Variants in SNRPD1 observed in about 807,000 individuals in gnomAD.
SNRPD1 encodes the protein small nuclear ribonucleoprotein Sm D1.
SNRPD1 carries 1 observed loss-of-function variant against 14.4 expected under a neutral mutation model. The ratio of observed to expected loss-of-function variants is 0.07; its 90% CI spans 0.02 to 0.33. The LOEUF (loss-of-function observed/expected upper bound fraction) is 0.33, where lower values mean the gene tolerates loss of function less well. Among genes scored for constraint, SNRPD1 ranks in the 10% least tolerant of loss-of-function variants. The probability of loss-of-function intolerance (pLI) is 1.00; values close to 1 mark genes in which losing one functional copy is unlikely to be tolerated. For missense variants in SNRPD1, 52 were observed against 146.4 expected, an observed-to-expected ratio of 0.36 and a Z score of 3.33; for synonymous variants, 42 against 50.3, an observed-to-expected ratio of 0.83 and a Z score of 0.70.
Position 21,612,337 on chromosome 18 carries a change from T to C in SNRPD1, c.-93T>C, listed in dbSNP as rs1598489228. On this transcript the variant is annotated 5_prime_UTR_variant, in exon 1 of 4. Transcript: ENST00000300413. ...CTCTTGACGTCCGGAGCCCCTGGAG[T>C]AGGCGCTTCCGGCCATTCATACTGC... 1.1e-6 allele frequency: 1 copy of C among 944,764 alleles called. No individual in the cohort carries two copies. The highest frequency in any genetic ancestry group is 1.5e-6 in the Non-Finnish European group (1 of 647,474). 58.5% of individuals were successfully genotyped at this position (944,764 alleles called of 1,614,324 possible).
chr18:21,630,348 G>A lies in SNRPD1; in HGVS notation c.*1210G>A, dbSNP rs377757070. On this transcript the variant is annotated 3_prime_UTR_variant, in exon 4 of 4. Transcript: ENST00000300413. The stretch of plus-strand genomic sequence containing the variant: ...ATCAGTTCTTTGTAAAGCTTACTAC[G>A]AAGTATTTATATGCTAAGGAAAACA... The A allele has an allele frequency of 2.0e-5, 3 of 151,700 alleles. No homozygotes were observed. The highest frequency in any genetic ancestry group is 1.9e-4 in the East Asian group (1 of 5,182). 9.4% of individuals were successfully genotyped at this position (151,700 alleles called of 1,614,324 possible). A position where few individuals can be genotyped will look rare whatever the true frequency, so the allele number is the denominator to read the frequency against.
chr18:21,631,592 A>G lies in SNRPD1; in HGVS notation c.*2454A>G, dbSNP rs1281297943. On this transcript the variant is annotated 3_prime_UTR_variant, in exon 4 of 4. Coordinates refer to ENST00000300413, the MANE Select transcript of SNRPD1 (RefSeq NM_006938.4). Reference sequence around the variant, plus strand: ...GCTGGGACTACAGGTGCCTGCCACCACACCCAGCTAATTTTTTGTCTTTTT... The same window carrying G: ...GCTGGGACTACAGGTGCCTGCCACCGCACCCAGCTAATTTTTTGTCTTTTT... The G allele has an allele frequency of 2.0e-5, 3 of 151,456 alleles. No individual in the cohort carries two copies. The highest frequency in any genetic ancestry group is 4.4e-5 in the Non-Finnish European group (3 of 68,036). 9.4% of individuals were successfully genotyped at this position (151,456 alleles called of 1,614,324 possible). A position where few individuals can be genotyped will look rare whatever the true frequency, so the allele number is the denominator to read the frequency against.
At chr18:21,624,429 C>T (rs1388390315) in intron 3 of SNRPD1, among the ~76,000 whole-genome samples, 1 of 149,874 alleles carries the variant, frequency 6.7e-6, no homozygotes. Flanking sequence ...GGGTGGCTCA[C>T]ACCTGTAATC....
rs920535495 is a variant in SNRPD1, at chr18:21,624,635, G to T, written c.283+696G>T. 1.3e-4 allele frequency among the ~76,000 whole-genome samples: 20 copies of T among 151,398 alleles called. 1 individual carries two copies. The highest frequency in any genetic ancestry group is 1.3e-3 in the Admixed American group (20 of 15,150). ...GAACCTGGGAGGTGGAGGTTGCTGT[G>T]AGCCAAGATCACGCCACTGCACTCC... On this transcript the variant is annotated intron_variant, in intron 3 of 3. Coordinates refer to ENST00000300413, the MANE Select transcript of SNRPD1 (RefSeq NM_006938.4).
chr18:21,618,349 A>C (rs74973134), intron 1 of SNRPD1, among the ~76,000 whole-genome samples: 1 of 151,782 alleles, frequency 6.6e-6, no homozygotes, highest in Admixed American at 6.6e-5. Context: ...TTAAAAAAAA[A>C]CACAAAAAAA....
Position 21,617,843 on chromosome 18 carries a change from G to A in SNRPD1, c.15-4882G>A, listed in dbSNP as rs149186410. On this transcript the variant is annotated intron_variant, in intron 1 of 3. Transcript: ENST00000300413. Reference sequence around the variant, plus strand: ...AAAATACAAAAATTAGCTGGGTGTGGTGGCATGCGCCTGTAGTCTCAGCTA... The same window carrying A: ...AAAATACAAAAATTAGCTGGGTGTGATGGCATGCGCCTGTAGTCTCAGCTA... 8.0e-3 allele frequency among the ~76,000 whole-genome samples: 1,220 copies of A among 152,216 alleles called. 13 individuals are homozygous for A. The highest frequency in any genetic ancestry group is 0.028 in the African/African-American group (1,167 of 41,544).
intron 1 of SNRPD1, among the ~76,000 whole-genome samples, chr18:21,618,663 GT>G (rs1446103241): frequency 1.3e-5 from 2 of 152,066 alleles, no homozygotes; most frequent in Non-Finnish European, 2.9e-5. Context: ...GAAATAAAGT[GT>G]TACCAATTCG....
chr18:21,624,311 G>GAACCA, intron 3 of SNRPD1, among the ~76,000 whole-genome samples: 1 of 150,126 alleles, frequency 6.7e-6, no homozygotes, highest in South Asian at 2.1e-4. Context: ...CCCAGTAGGC[G>GAACCA]GAGGTTGCAG....
rs1379057113 is a variant in SNRPD1 at position 21,631,569 on chromosome 18, T to G, written c.*2431T>G. 1 of 150,760 alleles carries G rather than the reference T, an allele frequency of 6.6e-6. No homozygotes were observed. Among genetic ancestry groups the G allele is most frequent in the African/African-American group, 2.4e-5 (1 of 40,862 alleles). 9.3% of individuals were successfully genotyped at this position (150,760 alleles called of 1,614,324 possible). A position where few individuals can be genotyped will look rare whatever the true frequency, so the allele number is the denominator to read the frequency against. ...CTCCTGCCTCAGCCTCCCGAGTAGC[T>G]GGGACTACAGGTGCCTGCCACCACA... On this transcript the variant is annotated 3_prime_UTR_variant, in exon 4 of 4. Transcript: ENST00000300413.
At chr18:21,623,362 T>C (rs1421976932) in intron 2 of SNRPD1, among the ~76,000 whole-genome samples, 3 of 152,184 alleles carry the variant, frequency 2.0e-5, no homozygotes, top group Admixed American at 1.3e-4. Context: ...ACAATTCTTA[T>C]ATACAGAGAG....
At chr18:21,612,488 T>C (rs1474037568) in intron 1 of SNRPD1, 45 bp downstream of exon 1, 9 of 1,423,096 alleles carry the variant, frequency 6.3e-6, no homozygotes, top group Non-Finnish European at 8.5e-6. Context: ...AAGGGAGGGC[T>C]TGGCCCGGAG....
rs559622247 is a variant in SNRPD1 at position 21,623,839 on chromosome 18, A to T, written c.183A>T (p.Arg61=). ...TACAGCTGGAAACGCTGAGTATTCG[A>T]GGAAATAACATTCGGTATTTTATTC... ...EPVQLETLSI[R]GNNIRYFILP... The change falls in exon 3 of 4, where the codon CGA becomes CGT. Residue 61 remains arginine, a synonymous_variant. Transcript: ENST00000300413. 2.6e-5 allele frequency: 42 copies of T among 1,612,956 alleles called. 1 individual carries two copies. The South Asian group carries it at 4.1e-4, about 16-fold the overall frequency.
At chr18:21,622,828 CAT>C (rs1491489997) in intron 2 of SNRPD1, 27 bp downstream of exon 2, 4 of 1,196,128 alleles carry the variant, frequency 3.3e-6, no homozygotes, top group Non-Finnish European at 4.9e-6. Flanking sequence ...GCTTTTATAA[CAT>C]TTTTTTTCTT....
chr18:21,627,630 C>T (rs2039050873), intron 3 of SNRPD1, among the ~76,000 whole-genome samples: 1 of 151,842 alleles, frequency 6.6e-6, no homozygotes, highest in South Asian at 2.1e-4. Context: ...TACAACACCC[C>T]TCCAACTCTG....
At chr18:21,628,663 C>G (rs2039058026) in intron 3 of SNRPD1, among the ~76,000 whole-genome samples, 1 of 152,120 alleles carries the variant, frequency 6.6e-6, no homozygotes, top group Non-Finnish European at 1.5e-5. Flanking sequence ...GGATTTTATT[C>G]AGTTACCAAA....
intron 1 of SNRPD1, among the ~76,000 whole-genome samples, chr18:21,622,186 C>T (rs1328346380): frequency 6.6e-5 from 10 of 151,482 alleles, no homozygotes; most frequent in African/African-American, 2.4e-4. Context: ...GTTGCCCAGG[C>T]TGGAGTGCAG....
Position 21,632,155 on chromosome 18 carries a change from A to G in SNRPD1, c.*3017A>G, listed in dbSNP as rs1261814803. The G allele has an allele frequency of 6.6e-6, 1 of 152,130 alleles. No homozygotes were observed. The highest frequency in any genetic ancestry group is 1.5e-5 in the Non-Finnish European group (1 of 68,030). 9.4% of individuals were successfully genotyped at this position (152,130 alleles called of 1,614,324 possible). ...ATTTAAATGAAAATGGCCACTTAGC[A>G]TAAGAGATCTAAAATTACGTTTTGT... On this transcript the variant is annotated 3_prime_UTR_variant, in exon 4 of 4. Transcript: ENST00000300413.
chr18:21,625,175 G>A (rs2039027217), intron 3 of SNRPD1, among the ~76,000 whole-genome samples: 1 of 151,488 alleles, frequency 6.6e-6, no homozygotes, highest in Non-Finnish European at 1.5e-5. Flanking sequence ...CCTACCTGTC[G>A]GGGAATTGAT....
intron 1 of SNRPD1, among the ~76,000 whole-genome samples, chr18:21,613,256 C>T (rs1183877355): frequency 6.6e-6 from 1 of 152,150 alleles, no homozygotes; most frequent in African/African-American, 2.4e-5. Context: ...AAACTACCTG[C>T]AAGTAGATTT....
Sources: gnomAD v4.1 joint callset for allele counts (sites outside exome capture counted in the v4.1 genomes callset) on GRCh38, gnomAD v4.1.1 for gene constraint, MANE v1.5 for transcripts, NCBI Gene and HGNC (gene_info 2026-07-23, HGNC 2026-07-21) for gene names.